The following SKIC3 variants were observed in gnomAD, a reference collection of about 807,000 sequenced individuals.
SKIC3 encodes SKI3 subunit of superkiller complex, also known as superkiller complex protein 3.
At chr5:95,478,533 C>T in the SKIC3 span, 112 of 1,555,230 alleles carry the variant, frequency 7.2e-5, no homozygotes, top group South Asian at 5.6e-4. Context: ...TAAACTTTGT[C>T]GTAGTAAAAA....
At chr5:95,497,514 T>A in the SKIC3 span, 1 of 1,593,000 alleles carries the variant, frequency 6.3e-7, no homozygotes, top group Non-Finnish European at 8.6e-7. Flanking sequence ...GTAGCAGGCT[T>A]AGGGACAAGT....
chr5:95,494,828 G>A, the SKIC3 span: 1 of 1,609,736 alleles, frequency 6.2e-7, no homozygotes, highest in East Asian at 2.2e-5. Flanking sequence ...CAATTTTCCT[G>A]ATAGCTCCCT....
At chr5:95,533,082 A>G in the SKIC3 span, among the ~76,000 whole-genome samples, 1 of 152,096 alleles carries the variant, frequency 6.6e-6, no homozygotes, top group African/African-American at 2.4e-5. Context: ...GAATTTGAAG[A>G]ACCAAGCTTT....
chr5:95,506,256 G>C, the SKIC3 span, among the ~76,000 whole-genome samples: 1 of 152,126 alleles, frequency 6.6e-6, no homozygotes, highest in Non-Finnish European at 1.5e-5. Context: ...GGCTACCTAA[G>C]GTCTGCCAGG....
At chr5:95,467,960 A>G in the SKIC3 span, 2 of 1,613,592 alleles carry the variant, frequency 1.2e-6, no homozygotes. Context: ...AGGCTGATAT[A>G]CCACTCTTTC....
At chr5:95,495,000 T>G in the SKIC3 span, 1 of 1,613,850 alleles carries the variant, frequency 6.2e-7, no homozygotes, top group Non-Finnish European at 8.5e-7. Context: ...GAGCCACATT[T>G]CCTGCTACAA....
chr5:95,548,965 A>G, the SKIC3 span, among the ~76,000 whole-genome samples: 1 of 152,044 alleles, frequency 6.6e-6, no homozygotes, highest in East Asian at 1.9e-4. Context: ...ACTAAACTAC[A>G]TGCAGCCCCC....
the SKIC3 span, chr5:95,482,653 G>C: frequency 6.2e-7 from 1 of 1,613,210 alleles, no homozygotes; most frequent in South Asian, 1.1e-5. Flanking sequence ...ATCCCAAAGA[G>C]GAACACATCA....
At chr5:95,497,615 T>C in the SKIC3 span, 7 of 686,020 alleles carry the variant, frequency 1.0e-5, no homozygotes, top group Non-Finnish European at 2.6e-6. Flanking sequence ...TAATTGCGCA[T>C]GTTTGGTTGA....
At chr5:95,535,757 T>C in the SKIC3 span, among the ~76,000 whole-genome samples, 2 of 152,180 alleles carry the variant, frequency 1.3e-5, no homozygotes, top group African/African-American at 4.8e-5. Context: ...TTAGCAGTAG[T>C]TTTCAACCCT....
the SKIC3 span, chr5:95,478,174 C>T: frequency 2.4e-6 from 3 of 1,252,390 alleles, no homozygotes; most frequent in South Asian, 1.4e-5. Context: ...AGAAGCCACA[C>T]TAGAACACAA....
chr5:95,521,922 G>T, the SKIC3 span: 1 of 1,088,832 alleles, frequency 9.2e-7, no homozygotes, highest in Non-Finnish European at 1.3e-6. Flanking sequence ...ACTGTAAGAG[G>T]TTCATATGGA....
At chr5:95,531,601 C>T in the SKIC3 span, among the ~76,000 whole-genome samples, 1 of 152,142 alleles carries the variant, frequency 6.6e-6, no homozygotes, top group Non-Finnish European at 1.5e-5. Flanking sequence ...ATCAGAATCA[C>T]TTGGAAGACT....
the SKIC3 span, among the ~76,000 whole-genome samples, chr5:95,496,418 C>T: frequency 4.5e-4 from 69 of 152,122 alleles, no homozygotes; most frequent in African/African-American, 1.6e-3. Flanking sequence ...ATAGAGGAGA[C>T]CTACATCAGA....
the SKIC3 span, among the ~76,000 whole-genome samples, chr5:95,538,876 T>C: frequency 6.6e-6 from 1 of 152,186 alleles, no homozygotes; most frequent in Non-Finnish European, 1.5e-5. Flanking sequence ...AGTTCAGAAG[T>C]GTAAAGAAAC....
At chr5:95,541,841 G>A in the SKIC3 span, 2 of 1,612,630 alleles carry the variant, frequency 1.2e-6, no homozygotes, top group Non-Finnish European at 1.7e-6. Flanking sequence ...GGAGCTTTTG[G>A]TAAACACCAG....
chr5:95,513,519 G>A, the SKIC3 span: 1 of 1,570,274 alleles, frequency 6.4e-7, no homozygotes. Context: ...CCTTAACAAG[G>A]ATAACACTTT....
the SKIC3 span, among the ~76,000 whole-genome samples, chr5:95,492,652 G>GAAGAAA: frequency 8.2e-5 from 4 of 48,842 alleles, no homozygotes; most frequent in African/African-American, 5.7e-4. Flanking sequence ...AAAAAAAAAA[G>GAAGAAA]AAAAAAAAAA....
the SKIC3 span, chr5:95,546,954 C>G: frequency 8.9e-7 from 1 of 1,126,642 alleles, no homozygotes; most frequent in African/African-American, 1.5e-5. Flanking sequence ...ACTAAATGGC[C>G]TTACCACTTT....
Sources: gnomAD v4.1 joint callset for allele counts (sites outside exome capture counted in the v4.1 genomes callset) on GRCh38, gnomAD v4.1.1 for gene constraint, MANE v1.5 for transcripts, NCBI Gene and HGNC (gene_info 2026-07-23, HGNC 2026-07-21) for gene names.